SNX29: variants seen among roughly 807,000 people sequenced by gnomAD.
The protein encoded by SNX29 is sorting nexin 29.
In SNX29, 78 loss-of-function variants were observed where a neutral mutation model predicts 102.1. That is an observed-to-expected ratio of 0.76 (90% confidence interval 0.64 to 0.92). The LOEUF (loss-of-function observed/expected upper bound fraction) is 0.92, where lower values mean the gene tolerates loss of function less well. Ranked by LOEUF, SNX29 falls within the 40% of genes least tolerant of loss-of-function variation. SNX29 has a pLI of 0.00. For missense variants in SNX29, 1,280 were observed against 1,061.7 expected (o/e 1.21, Z -2.86); for synonymous variants, 580 against 414.5 (o/e 1.40, Z -4.85).
intron 11 of SNX29, among the ~76,000 whole-genome samples, chr16:12,097,333 CG>C (rs1233348139): frequency 2.6e-5 from 4 of 152,160 alleles, no homozygotes; most frequent in African/African-American, 9.7e-5. Context: ...GCTCTTACTC[CG>C]GGAAGAATAT....
At chr16:12,234,636 G>C (rs16959080) in intron 14 of SNX29, among the ~76,000 whole-genome samples, 11,252 of 152,022 alleles carry the variant, frequency 0.074, 1,255 homozygotes, top group African/African-American at 0.24. Flanking sequence ...TGTCTTTAAA[G>C]CAGTGTTTCT....
chr16:12,528,475 C>T (rs1435163784), intron 20 of SNX29, among the ~76,000 whole-genome samples: 1 of 152,206 alleles, frequency 6.6e-6, no homozygotes, highest in African/African-American at 2.4e-5. Context: ...GCTGCAATTA[C>T]AGGTGTGAGC....
intron 13 of SNX29, among the ~76,000 whole-genome samples, chr16:12,193,301 C>G (rs2076690143): frequency 6.6e-6 from 1 of 151,980 alleles, no homozygotes; most frequent in Non-Finnish European, 1.5e-5. Flanking sequence ...AAAACCCCGT[C>G]CCTACTGAAA....
chr16:12,238,554 C>T (rs2078007571), intron 14 of SNX29, among the ~76,000 whole-genome samples: 1 of 152,156 alleles, frequency 6.6e-6, no homozygotes, highest in Non-Finnish European at 1.5e-5. Flanking sequence ...AAACTCCTGA[C>T]CTCAAGTGAT....
Position 12,568,696 on chromosome 16 carries a change from C to G in SNX29, c.*67C>G. On this transcript the variant is annotated 3_prime_UTR_variant, in exon 21 of 21. Coordinates refer to ENST00000566228, the MANE Select transcript of SNX29 (RefSeq NM_032167.5). ...GCTGCGTCCACCCCAGCCACTGCCG[C>G]TGGCCCCTCACCTCAGCGTGACAAC... 2 of 1,574,768 alleles carry G rather than the reference C, an allele frequency of 1.3e-6. No individual in the cohort carries two copies. The highest frequency in any genetic ancestry group is 1.3e-5 in the African/African-American group (1 of 74,236).
chr16:12,182,034 C>T (rs1209838106), intron 13 of SNX29, among the ~76,000 whole-genome samples: 1 of 152,062 alleles, frequency 6.6e-6, no homozygotes, highest in East Asian at 1.9e-4. Context: ...CAGGCATGCG[C>T]CACCACGCCT....
At position 12,572,919 on chromosome 16, in the gene SNX29, A is replaced by C; in HGVS notation, c.*4290A>C. The C allele has an allele frequency of 1.0e-6, 1 of 978,128 alleles. No homozygotes were observed. The highest frequency in any genetic ancestry group is 1.2e-6 in the Non-Finnish European group (1 of 800,704). The allele number at this position is 978,128 out of a possible 1,614,324, so 60.6% of individuals were successfully genotyped here. A position where few individuals can be genotyped will look rare whatever the true frequency, so the allele number is the denominator to read the frequency against. ...TCGCTCGGAATCACGGCAGACTTGG[A>C]GTGTTTCTTCAAGGCAGGCATCTGC... On this transcript the variant is annotated 3_prime_UTR_variant, in exon 21 of 21. Coordinates refer to ENST00000566228, the MANE Select transcript of SNX29 (RefSeq NM_032167.5).
chr16:12,222,110 C>A (rs1245517675), intron 14 of SNX29, among the ~76,000 whole-genome samples: 1 of 152,234 alleles, frequency 6.6e-6, no homozygotes, highest in Non-Finnish European at 1.5e-5. Flanking sequence ...GTCACATAAG[C>A]CTACATAGGT....
intron 11 of SNX29, among the ~76,000 whole-genome samples, chr16:12,091,900 C>T (rs544330434): frequency 5.3e-5 from 8 of 152,216 alleles, no homozygotes; most frequent in African/African-American, 1.7e-4. Flanking sequence ...CCGAATCTGT[C>T]GGTGCCTTGA....
chr16:12,145,423 C>A (rs1354553313), intron 13 of SNX29, among the ~76,000 whole-genome samples: 2 of 152,032 alleles, frequency 1.3e-5, no homozygotes, highest in African/African-American at 4.8e-5. Context: ...TGTTTAAATA[C>A]AAGATTTTTT....
In SNX29 at chr16:12,260,380, A is replaced by G. The variant is rs185704363; in HGVS notation, c.1679-17553A>G. 9.2e-5 allele frequency among the ~76,000 whole-genome samples: 14 copies of G among 152,148 alleles called. No homozygotes were observed. The East Asian group carries it at 1.9e-3, about 21-fold the overall frequency. On this transcript the variant is annotated intron_variant, in intron 14 of 20. Coordinates refer to ENST00000566228, the MANE Select transcript of SNX29 (RefSeq NM_032167.5). ...CCTCCCTGTTACCGTCTTCCTTCTC[A>G]TCCTTCATCTGTTGTGCGCCTGGTG... is the stretch of plus-strand genomic sequence containing the variant.
intron 18 of SNX29, among the ~76,000 whole-genome samples, chr16:12,428,396 T>G (rs1483330072): frequency 6.6e-6 from 1 of 152,168 alleles, no homozygotes; most frequent in Non-Finnish European, 1.5e-5. Context: ...GTAGCCAGTT[T>G]CTTAAAAAAT....
chr16:12,186,180 A>G (rs2076505052), intron 13 of SNX29, among the ~76,000 whole-genome samples: 1 of 152,086 alleles, frequency 6.6e-6, no homozygotes, highest in South Asian at 2.1e-4. Flanking sequence ...GTAAATCTAT[A>G]TATATATTTG....
At chr16:12,396,199 G>GT (rs755949085) in intron 16 of SNX29, among the ~76,000 whole-genome samples, 23 of 152,254 alleles carry the variant, frequency 1.5e-4, no homozygotes, top group Non-Finnish European at 2.9e-4. Context: ...AAAATACCTT[G>GT]TTCCAGAATT....
intron 3 of SNX29, among the ~76,000 whole-genome samples, chr16:12,026,327 T>C (rs950511981): frequency 6.6e-6 from 1 of 152,234 alleles, no homozygotes; most frequent in Non-Finnish European, 1.5e-5. Flanking sequence ...GGTTAACTTA[T>C]TTGTGTACCT....
At chr16:12,080,134 G>A (rs1204286496) in intron 11 of SNX29, among the ~76,000 whole-genome samples, 3 of 152,136 alleles carry the variant, frequency 2.0e-5, no homozygotes, top group Non-Finnish European at 4.4e-5. Flanking sequence ...TTCACTAGAA[G>A]GTGCTTACAG....
At chr16:12,417,031 AG>A (rs2084664399) in intron 18 of SNX29, among the ~76,000 whole-genome samples, 1 of 152,234 alleles carries the variant, frequency 6.6e-6, no homozygotes, top group African/African-American at 2.4e-5. Context: ...CACTGCGCCT[AG>A]TGAGATACGC....
Position 12,532,861 on chromosome 16 carries a change from T to C in SNX29, c.2318+8020T>C, listed in dbSNP as rs373912447. Among the ~76,000 whole-genome samples, 138 of 152,214 alleles carry C rather than the reference T, an allele frequency of 9.1e-4. 1 individual carries two copies. Among genetic ancestry groups the C allele is most frequent in the African/African-American group, 3.3e-3 (136 of 41,544 alleles). On this transcript the variant is annotated intron_variant, in intron 20 of 20. Coordinates refer to ENST00000566228, the MANE Select transcript of SNX29 (RefSeq NM_032167.5). ...GAGCCAGTGTCTCCCAGAGAAGCCT[T>C]CCCCTGCGTGAGAGAGCTGCAGAAT... is the stretch of plus-strand genomic sequence containing the variant.
Position 12,266,728 on chromosome 16 carries a change from T to C in SNX29, c.1679-11205T>C, listed in dbSNP as rs1249792591. Among the ~76,000 whole-genome samples the C allele has an allele frequency of 2.0e-5, 3 of 151,248 alleles. No individual in the cohort carries two copies. In the East Asian group the frequency reaches 5.8e-4, roughly 29 times the overall value. On this transcript the variant is annotated intron_variant, in intron 14 of 20. Transcript: ENST00000566228. Reference sequence around the variant, plus strand: ...GAATATCCCACTCAGACAACGTGGTTCTTGGTCTTGTTCTTGAGGGATGCA... The same window carrying C: ...GAATATCCCACTCAGACAACGTGGTCCTTGGTCTTGTTCTTGAGGGATGCA...
Sources: gnomAD v4.1 joint callset for allele counts (sites outside exome capture counted in the v4.1 genomes callset) on GRCh38, gnomAD v4.1.1 for gene constraint, MANE v1.5 for transcripts, NCBI Gene and HGNC (gene_info 2026-07-23, HGNC 2026-07-21) for gene names.